The following MAPK10 variants were observed in gnomAD, a reference collection of about 807,000 sequenced individuals.
MAPK10 encodes the protein JNK3 alpha protein kinase.
MAPK10 carries 25 observed loss-of-function variants against 59.3 expected under a neutral mutation model. The ratio of observed to expected loss-of-function variants is 0.42; its 90% CI spans 0.31 to 0.59. The LOEUF (loss-of-function observed/expected upper bound fraction) is 0.59. Ranked by LOEUF, MAPK10 falls within the 20% of genes least tolerant of loss-of-function variation. The pLI is 0.15. For missense variants in MAPK10, 351 were observed against 568.9 expected (o/e 0.62, Z 3.90); for synonymous variants, 190 against 200.5 (o/e 0.95, Z 0.44).
chr4:86,503,495 G>C (rs1017127930), intron 1 of MAPK10, among the ~76,000 whole-genome samples: 1 of 151,940 alleles, frequency 6.6e-6, no homozygotes, highest in Non-Finnish European at 1.5e-5. Context: ...ACTTTCAAAG[G>C]CTCATTATTA....
intron 3 of MAPK10, among the ~76,000 whole-genome samples, chr4:86,159,892 A>AT (rs1434302612): frequency 1.3e-5 from 2 of 148,860 alleles, no homozygotes; most frequent in Non-Finnish European, 2.9e-5. Flanking sequence ...ATGAGAACAG[A>AT]TAAAAAATTG....
At chr4:86,288,890 C>A (rs1584130161) in intron 2 of MAPK10, among the ~76,000 whole-genome samples, 1 of 147,848 alleles carries the variant, frequency 6.8e-6, no homozygotes. Context: ...AGGCACCATT[C>A]TAAGAAACAG....
At chr4:86,448,906 T>C (rs1261837652) in intron 1 of MAPK10, among the ~76,000 whole-genome samples, 1 of 152,092 alleles carries the variant, frequency 6.6e-6, no homozygotes, top group East Asian at 1.9e-4. Flanking sequence ...CAGTGACAGA[T>C]CATCAGGCAT....
chr4:86,263,450 T>C (rs1316866031), intron 2 of MAPK10, among the ~76,000 whole-genome samples: 1 of 152,192 alleles, frequency 6.6e-6, no homozygotes, highest in Non-Finnish European at 1.5e-5. Flanking sequence ...CCTGGTCTAA[T>C]CTAGCTGGAA....
In MAPK10 at chr4:86,407,248, A is replaced by AAAAAATTTT. The variant is rs536438433; in HGVS notation, c.-122+45781_-122+45782insAAAATTTTT. On this transcript the variant is annotated intron_variant, in intron 1 of 13. Coordinates refer to the MAPK10 transcript ENST00000361569. ...TTAACATTTAGAACATCCTTATTTT[A>AAAAAATTTT]AAAAAAGTACTATTATTCTCCCAAC... Among the ~76,000 whole-genome samples the AAAAAATTTT allele has an allele frequency of 4.1e-3, 623 of 152,280 alleles. 6 individuals carry two copies. Among genetic ancestry groups the AAAAAATTTT allele is most frequent in the African/African-American group, 0.014 (595 of 41,562 alleles).
chr4:86,545,159 TGA>T (rs1486351981), intron 1 of MAPK10, among the ~76,000 whole-genome samples: 1 of 152,188 alleles, frequency 6.6e-6, no homozygotes, highest in Non-Finnish European at 1.5e-5. Context: ...TAAGAACACA[TGA>T]CAAGGCATGG....
intron 2 of MAPK10, among the ~76,000 whole-genome samples, chr4:86,196,708 C>T (rs781181800): frequency 1.4e-4 from 21 of 152,238 alleles, no homozygotes; most frequent in Admixed American, 5.9e-4. Context: ...ATGTTTAAGT[C>T]GGTAATCCAT....
intron 2 of MAPK10, among the ~76,000 whole-genome samples, chr4:86,281,771 C>T (rs2094819163): frequency 6.6e-6 from 1 of 151,850 alleles, no homozygotes; most frequent in Non-Finnish European, 1.5e-5. Flanking sequence ...TCGGGATTGA[C>T]AGTAAACAAA....
intron 2 of MAPK10, among the ~76,000 whole-genome samples, chr4:86,311,397 T>C (rs1414900051): frequency 1.3e-5 from 2 of 152,162 alleles, no homozygotes; most frequent in Admixed American, 6.5e-5. Context: ...TCTTACATTA[T>C]AGGATACCTT....
chr4:86,359,859 G>A lies in MAPK10; in HGVS notation c.-323C>T. 1 of 985,616 alleles carries A rather than the reference G, an allele frequency of 1.0e-6. No individual in the cohort carries two copies. The highest frequency in any genetic ancestry group is 1.2e-6 in the Non-Finnish European group (1 of 829,876). 61.1% of individuals were successfully genotyped at this position (985,616 alleles called of 1,614,324 possible). A position where few individuals can be genotyped will look rare whatever the true frequency, so the allele number is the denominator to read the frequency against. On this transcript the variant is annotated 5_prime_UTR_variant, in exon 1 of 14. Coordinates refer to ENST00000641462, the MANE Select transcript of MAPK10 (RefSeq NM_138982.4). The stretch of plus-strand genomic sequence containing the variant: ...CACTCAAGCCCCTAGGAATTGAGGG[G>A]TGAGGACAAAAAAGGAAATTTGTAA...
chr4:86,567,033 C>A (rs537365904), intron 1 of MAPK10, among the ~76,000 whole-genome samples: 17 of 152,186 alleles, frequency 1.1e-4, no homozygotes, highest in African/African-American at 4.1e-4. Context: ...ATCGCTCCAG[C>A]CTGGGTGGCA....
intron 2 of MAPK10, among the ~76,000 whole-genome samples, chr4:86,302,123 G>A (rs2148848365): frequency 6.6e-6 from 1 of 152,268 alleles, no homozygotes; most frequent in African/African-American, 2.4e-5. Flanking sequence ...ACCAGCCGAA[G>A]TCAGCAAGCC....
At chr4:86,153,192 T>C (rs1447968956) in intron 4 of MAPK10, among the ~76,000 whole-genome samples, 3 of 152,168 alleles carry the variant, frequency 2.0e-5, no homozygotes, top group Non-Finnish European at 4.4e-5. Flanking sequence ...GGAGGGAAGT[T>C]GAAACTGAAA....
rs1184597010 is a variant in MAPK10 at position 86,354,577 on chromosome 4, A to T, written c.-54T>A. 2 of 1,231,414 alleles carry T rather than the reference A, an allele frequency of 1.6e-6. No individual in the cohort carries two copies. Among genetic ancestry groups the T allele is most frequent in the East Asian group, 6.3e-5 (2 of 31,694 alleles). 76.3% of individuals were successfully genotyped at this position (1,231,414 alleles called of 1,614,324 possible). On this transcript the variant is annotated 5_prime_UTR_variant, in exon 2 of 14. Transcript: ENST00000641462. ...CTATAGGAAACGGGTCTAATTCAAC[A>T]GTTTCTTGCATAAGTTGCCATAGTG...
At chr4:86,061,812 G>A (rs909326028) in intron 11 of MAPK10, among the ~76,000 whole-genome samples, 2 of 151,922 alleles carry the variant, frequency 1.3e-5, no homozygotes, top group African/African-American at 4.8e-5. Context: ...AAAGCTCTTT[G>A]ATCAGAATAA....
intron 1 of MAPK10, among the ~76,000 whole-genome samples, chr4:86,543,590 A>G (rs1758901314): frequency 6.6e-6 from 1 of 152,232 alleles, no homozygotes; most frequent in Admixed American, 6.5e-5. Flanking sequence ...GAAAAAGTAG[A>G]ATGGAACAGA....
chr4:86,053,665 A>G (rs1477615383), intron 11 of MAPK10, among the ~76,000 whole-genome samples: 1 of 152,182 alleles, frequency 6.6e-6, no homozygotes, highest in Non-Finnish European at 1.5e-5. Context: ...GGAATCCTAA[A>G]AAAGAAAAAT....
chr4:86,287,219 AC>A (rs2095048725), intron 2 of MAPK10, among the ~76,000 whole-genome samples: 1 of 152,182 alleles, frequency 6.6e-6, no homozygotes, highest in African/African-American at 2.4e-5. Context: ...TTTATAAACA[AC>A]CCACAAAAAC....
At chr4:86,258,971 A>C (rs1029404381) in intron 2 of MAPK10, among the ~76,000 whole-genome samples, 1 of 152,158 alleles carries the variant, frequency 6.6e-6, no homozygotes, top group Non-Finnish European at 1.5e-5. Flanking sequence ...GTAGCATATA[A>C]GCTAATTTGC....
Sources: gnomAD v4.1 joint callset for allele counts (sites outside exome capture counted in the v4.1 genomes callset) on GRCh38, gnomAD v4.1.1 for gene constraint, MANE v1.5 for transcripts, NCBI Gene and HGNC (gene_info 2026-07-23, HGNC 2026-07-21) for gene names.